KCNIP4: variants seen among roughly 807,000 people sequenced by gnomAD.
KCNIP4 encodes potassium voltage-gated channel interacting protein 4, also known as Kv channel-interacting protein 4.
KCNIP4 carries 12 observed loss-of-function variants against 34.0 expected under a neutral mutation model. That is an observed-to-expected ratio of 0.35 (90% confidence interval 0.23 to 0.57). The LOEUF (loss-of-function observed/expected upper bound fraction) is 0.57, where lower values mean the gene tolerates loss of function less well. Among genes scored for constraint, KCNIP4 ranks in the 20% least tolerant of loss-of-function variants. The pLI is 0.83. For synonymous variants in KCNIP4, 124 were observed against 102.2 expected, an observed-to-expected ratio of 1.21 and a Z score of -1.29; for missense variants, 238 against 311.7, an observed-to-expected ratio of 0.76 and a Z score of 1.78.
chr4:20,874,886 G>T (rs1181437672), intron 2 of KCNIP4, among the ~76,000 whole-genome samples: 2 of 152,090 alleles, frequency 1.3e-5, no homozygotes, highest in African/African-American at 2.4e-5. Flanking sequence ...ATTACAGCAG[G>T]GTTAAATGGA....
chr4:21,338,701 A>C (rs1201586021), intron 1 of KCNIP4, among the ~76,000 whole-genome samples: 1 of 151,922 alleles, frequency 6.6e-6, no homozygotes, highest in Non-Finnish European at 1.5e-5. Flanking sequence ...CCAAAGGATT[A>C]TACTAATGTG....
chr4:20,944,375 G>A (rs1233292055), intron 1 of KCNIP4, among the ~76,000 whole-genome samples: 1 of 152,160 alleles, frequency 6.6e-6, no homozygotes. Flanking sequence ...AAAGACTAAT[G>A]AGCCACTATC....
intron 1 of KCNIP4, among the ~76,000 whole-genome samples, chr4:21,153,515 GTA>G (rs59614946): frequency 0.05 from 6,996 of 140,758 alleles, 189 homozygotes; most frequent in Middle Eastern, 0.063. Context: ...ATGTGTGTGT[GTA>G]TATATATATA....
intron 1 of KCNIP4, among the ~76,000 whole-genome samples, chr4:21,674,723 C>G (rs1030697877): frequency 6.6e-6 from 1 of 152,082 alleles, no homozygotes; most frequent in Admixed American, 6.5e-5. Flanking sequence ...GATACAACAG[C>G]CTTGGCAGTA....
intron 1 of KCNIP4, among the ~76,000 whole-genome samples, chr4:21,519,735 TGTATGATACACAC>T (rs1469704153): frequency 1.6e-5 from 2 of 122,334 alleles, no homozygotes; most frequent in Admixed American, 8.4e-5. Context: ...CGTGTGTATA[TGTATGATACACAC>T]GTGTGTGTAT....
chr4:21,436,581 AG>A (rs1726961723), intron 1 of KCNIP4, among the ~76,000 whole-genome samples: 1 of 152,210 alleles, frequency 6.6e-6, no homozygotes, highest in South Asian at 2.1e-4. Context: ...TTTAGGAAAC[AG>A]GTTCTGGAGT....
At chr4:21,304,666 A>C (rs919690740) in intron 1 of KCNIP4, 2 of 152,240 alleles carry the variant, frequency 1.3e-5, no homozygotes, top group African/African-American at 4.8e-5. Flanking sequence ...TGCAGATTGC[A>C]ACGAGGCTTA....
At chr4:21,792,390 C>T (rs1720355629) in intron 1 of KCNIP4, among the ~76,000 whole-genome samples, 1 of 152,200 alleles carries the variant, frequency 6.6e-6, no homozygotes, top group Non-Finnish European at 1.5e-5. Context: ...AAAATAATGG[C>T]ATATATAGAT....
chr4:21,566,263 G>C (rs1214301585), intron 1 of KCNIP4, among the ~76,000 whole-genome samples: 1 of 152,164 alleles, frequency 6.6e-6, no homozygotes, highest in Admixed American at 6.5e-5. Context: ...CAGTGTCACA[G>C]TCTCTAGACA....
At chr4:20,829,026 G>A (rs916359498) in intron 3 of KCNIP4, among the ~76,000 whole-genome samples, 2 of 152,042 alleles carry the variant, frequency 1.3e-5, no homozygotes, top group African/African-American at 2.4e-5. Flanking sequence ...CATAGGCAGG[G>A]CAAGGCAAAA....
chr4:21,785,228 C>T (rs1180202756), intron 1 of KCNIP4, among the ~76,000 whole-genome samples: 1 of 150,108 alleles, frequency 6.7e-6, no homozygotes, highest in Non-Finnish European at 1.5e-5. Flanking sequence ...CAATTCAATC[C>T]ATGTTAGTAT....
intron 3 of KCNIP4, among the ~76,000 whole-genome samples, chr4:20,782,673 A>G (rs1756975923): frequency 6.6e-6 from 1 of 152,116 alleles, no homozygotes; most frequent in Non-Finnish European, 1.5e-5. Flanking sequence ...GGCTCTTCCC[A>G]ACGAAACCAT....
intron 1 of KCNIP4, among the ~76,000 whole-genome samples, chr4:20,970,846 C>G (rs756502407): frequency 1.3e-5 from 2 of 152,164 alleles, no homozygotes; most frequent in African/African-American, 2.4e-5. Context: ...TAACAGTTCA[C>G]TCACTCCCAC....
intron 1 of KCNIP4, among the ~76,000 whole-genome samples, chr4:21,376,245 A>C (rs968328136): frequency 1.3e-5 from 2 of 152,200 alleles, no homozygotes; most frequent in Non-Finnish European, 2.9e-5. Context: ...AACCTAATAT[A>C]ATCTTCTCCA....
intron 1 of KCNIP4, among the ~76,000 whole-genome samples, chr4:21,878,040 GTGTT>G (rs903189652): frequency 3.9e-5 from 6 of 152,056 alleles, no homozygotes; most frequent in African/African-American, 7.2e-5. Context: ...TGTGTTTTGG[GTGTT>G]TGTTTGTTTG....
intron 1 of KCNIP4, among the ~76,000 whole-genome samples, chr4:21,326,585 A>T (rs1331423145): frequency 6.0e-5 from 9 of 149,948 alleles, no homozygotes; most frequent in Admixed American, 5.3e-4. Context: ...TATTTTTTTT[A>T]ATTCAGTCGT....
chr4:20,978,173 T>C (rs1735670950), intron 1 of KCNIP4, among the ~76,000 whole-genome samples: 1 of 152,230 alleles, frequency 6.6e-6, no homozygotes, highest in African/African-American at 2.4e-5. Context: ...TCAGGAGTTC[T>C]AACAAACATA....
In KCNIP4 at chr4:21,144,428, T is replaced by G. The variant is rs181238181; in HGVS notation, c.62-261719A>C. ...GACTGTTTATTCATCCCAGAGTTTA[T>G]GTCAAAAAAAGAGCTAAATATTGTA... On this transcript the variant is annotated intron_variant, in intron 1 of 8. Transcript: ENST00000382152. Among the ~76,000 whole-genome samples, 3 of 152,290 alleles carry G rather than the reference T, an allele frequency of 2.0e-5. No individual in the cohort carries two copies. In the East Asian group the frequency reaches 5.8e-4, roughly 29 times the overall value.
intron 3 of KCNIP4, among the ~76,000 whole-genome samples, chr4:20,806,181 T>C (rs1715062122): frequency 6.6e-6 from 1 of 152,126 alleles, no homozygotes; most frequent in Non-Finnish European, 1.5e-5. Context: ...TTTGTTTTGT[T>C]GCCTTTTAAG....
Sources: allele counts gnomAD v4.1 joint callset (sites outside exome capture counted in the v4.1 genomes callset), GRCh38; gene constraint gnomAD v4.1.1; transcripts MANE v1.5; gene names NCBI Gene and HGNC (gene_info 2026-07-23, HGNC 2026-07-21).